The following LGALS13 variants were observed in gnomAD, a reference collection of about 807,000 sequenced individuals.
LGALS13 encodes the protein galectin 13.
LGALS13 carries 11 observed loss-of-function variants against 13.2 expected under a neutral mutation model. That is an observed-to-expected ratio of 0.83 (90% CI 0.52 to 1.38). The LOEUF (loss-of-function observed/expected upper bound fraction) is 1.38, where lower values mean the gene tolerates loss of function less well. Ranked by LOEUF, LGALS13 falls within the 40% of genes most tolerant of loss-of-function variation. The pLI, the probability that LGALS13 is intolerant of heterozygous loss-of-function variation, is 0.00. For missense variants in LGALS13, 183 were observed against 174.3 expected, an observed-to-expected ratio of 1.05 and a Z score of -0.28; for synonymous variants, 71 against 63.7, an observed-to-expected ratio of 1.11 and a Z score of -0.54.
Position 39,607,437 on chromosome 19 carries a change from T to G in LGALS13, c.*98T>G. 1 of 827,872 alleles carries G rather than the reference T, an allele frequency of 1.2e-6. No individual in the cohort carries two copies. Among genetic ancestry groups the G allele is most frequent in the Non-Finnish European group, 2.1e-6 (1 of 475,496 alleles). The allele number at this position is 827,872 out of a possible 1,614,324, so 51.3% of individuals were successfully genotyped here. A position where few individuals can be genotyped will look rare whatever the true frequency, so the allele number is the denominator to read the frequency against. ...AACAGAATAATCCCTGCTCACATTT[T>G]CCCCTACACTTTGTCATTAAAACAG... On this transcript the variant is annotated 3_prime_UTR_variant, in exon 4 of 4. Transcript: ENST00000221797.
chr19:39,604,681 G>A lies in LGALS13; in HGVS notation c.92+3G>A. 6.2e-7 allele frequency: 1 copy of A among 1,614,118 alleles called. No homozygotes were observed. The highest frequency in any genetic ancestry group is 8.5e-7 in the Non-Finnish European group (1 of 1,179,978). Reference sequence around the variant, plus strand: ...GGGACACCAATCCACTCTTTTATGTGAGTACTCCATGGTCCAATGGAGGGG... The same window carrying A: ...GGGACACCAATCCACTCTTTTATGTAAGTACTCCATGGTCCAATGGAGGGG... On this transcript the variant is annotated splice_donor_region_variant and intron_variant, in intron 2 of 3. Transcript: ENST00000221797.
chr19:39,603,874 A>G lies in LGALS13; in HGVS notation c.16-728A>G, dbSNP rs77472439. The G allele has an allele frequency of 2.6e-3, 2,354 of 908,858 alleles. 4 individuals are homozygous for G. The highest frequency in any genetic ancestry group is 3.0e-3 in the Non-Finnish European group (2,243 of 760,306). 56.3% of individuals were successfully genotyped at this position (908,858 alleles called of 1,614,324 possible). Reference sequence around the variant, plus strand: ...CTCAAAAGTACAGAAAAATCATCTCATCTACTTGTAGTCATCATAGAAATC... The same window carrying G: ...CTCAAAAGTACAGAAAAATCATCTCGTCTACTTGTAGTCATCATAGAAATC... On this transcript the variant is annotated intron_variant, in intron 1 of 3. Coordinates refer to ENST00000221797, the MANE Select transcript of LGALS13 (RefSeq NM_013268.3).
In LGALS13 at chr19:39,605,298, A is replaced by G; in HGVS notation, c.213A>G (p.Ile71Met). Residue 71 changes from isoleucine (I) to methionine (M), a missense_variant, in exon 3 of 4, where the codon ATA becomes ATG. Physicochemically the swap from Ile to Met is conservative, Grantham distance 10 (BLOSUM62 1). Coordinates refer to ENST00000221797, the MANE Select transcript of LGALS13 (RefSeq NM_013268.3). ...HVVMNRREFG[I>M]WMLEETTDYV... Reference sequence around the variant, plus strand: ...TCATGAACAGGCGTGAGTTTGGGATATGGATGTTGGAGGAGACAACAGACT... The same window carrying G: ...TCATGAACAGGCGTGAGTTTGGGATGTGGATGTTGGAGGAGACAACAGACT... 2.5e-6 allele frequency: 4 copies of G among 1,614,092 alleles called. No homozygotes were observed. Among genetic ancestry groups the G allele is most frequent in the South Asian group, 1.1e-5 (1 of 91,080 alleles).
In LGALS13 at chr19:39,605,390, T is replaced by C; in HGVS notation, c.303+2T>C. 6.2e-7 allele frequency: 1 copy of C among 1,613,714 alleles called. No homozygotes were observed. Among genetic ancestry groups the C allele is most frequent in the Non-Finnish European group, 8.5e-7 (1 of 1,179,726 alleles). ...TACGTACATTACAATGAGTATGAGG[T>C]GAGCATCCCAGGAGCTCCCAGCACC... On this transcript the variant is annotated splice_donor_variant, in intron 3 of 3. Transcript: ENST00000221797. LOFTEE classifies it high-confidence loss of function.
intron 3 of LGALS13, among the ~76,000 whole-genome samples, chr19:39,606,596 A>G (rs1972692635): frequency 6.6e-6 from 1 of 152,234 alleles, no homozygotes; most frequent in African/African-American, 2.4e-5. Context: ...TAAAGAATAC[A>G]TCCATACTTT....
intron 1 of LGALS13, 89 bp from the exon 2 acceptor site, chr19:39,604,513 C>T: frequency 1.4e-6 from 2 of 1,463,954 alleles, no homozygotes; most frequent in Middle Eastern, 1.8e-4. Flanking sequence ...GCCCTTTCAT[C>T]TCCAACCTCC....
At chr19:39,602,670 C>A in intron 1 of LGALS13, 87 bp downstream of exon 1, 4 of 1,340,208 alleles carry the variant, frequency 3.0e-6, no homozygotes, top group Non-Finnish European at 4.3e-6. Context: ...AAAATATGAG[C>A]ATTTTTGCTG....
rs751763395 is a variant in LGALS13 at position 39,604,657 on chromosome 19, G to T, written c.71G>T (p.Gly24Val). ...GTTGGTTCCTGCGTGATAATCAAAG[G>T]GACACCAATCCACTCTTTTATGTGA... ...LSVGSCVIIKGTPIHSFINDP... is the reference protein window; with the variant it reads ...LSVGSCVIIKVTPIHSFINDP... The change falls in exon 2 of 4, where the codon GGG becomes GTG. Residue 24 changes from glycine to valine, a missense_variant. By Grantham distance (109) the Gly-to-Val change is moderately radical. Coordinates refer to ENST00000221797, the MANE Select transcript of LGALS13 (RefSeq NM_013268.3). 6.2e-7 allele frequency: 1 copy of T among 1,614,150 alleles called. No homozygotes were observed. Among genetic ancestry groups the T allele is most frequent in the Admixed American group, 1.7e-5 (1 of 60,030 alleles).
At chr19:39,604,283 T>G (rs1955579580) in intron 1 of LGALS13, among the ~76,000 whole-genome samples, 1 of 152,156 alleles carries the variant, frequency 6.6e-6, no homozygotes, top group Non-Finnish European at 1.5e-5. Context: ...GAGAACATCC[T>G]ACAAAGTAGA....
intron 3 of LGALS13, among the ~76,000 whole-genome samples, chr19:39,606,614 T>C (rs1972693072): frequency 6.6e-6 from 1 of 152,248 alleles, no homozygotes; most frequent in South Asian, 2.1e-4. Flanking sequence ...TTTCTGGCTT[T>C]CTCTAACGAG....
At chr19:39,605,840 G>C (rs1972680739) in intron 3 of LGALS13, among the ~76,000 whole-genome samples, 1 of 145,870 alleles carries the variant, frequency 6.9e-6, no homozygotes, top group South Asian at 2.3e-4. Context: ...TTGTTTGTTT[G>C]TTTGTTTTTG....
At chr19:39,602,973 C>T (rs976242824) in intron 1 of LGALS13, among the ~76,000 whole-genome samples, 2 of 152,120 alleles carry the variant, frequency 1.3e-5, no homozygotes, top group African/African-American at 4.8e-5. Flanking sequence ...GCATGAGCAT[C>T]GTTATGTGCA....
intron 3 of LGALS13, among the ~76,000 whole-genome samples, chr19:39,606,449 C>T (rs1972689988): frequency 6.6e-6 from 1 of 152,184 alleles, no homozygotes; most frequent in South Asian, 2.1e-4. Context: ...TCTAATCAAT[C>T]CTTTTGTCAT....
At position 39,605,400 on chromosome 19, in the gene LGALS13, A is replaced by T. The variant is rs1368279499; in HGVS notation, c.303+12A>T. 6.2e-7 allele frequency: 1 copy of T among 1,610,130 alleles called. No individual in the cohort carries two copies. The highest frequency in any genetic ancestry group is 1.3e-5 in the African/African-American group (1 of 74,832). On this transcript the variant is annotated intron_variant, in intron 3 of 3. Transcript: ENST00000221797. ...ACAATGAGTATGAGGTGAGCATCCC[A>T]GGAGCTCCCAGCACCCAGGCTCTGT...
rs1303608067 is a variant in LGALS13 at position 39,607,242 on chromosome 19, G to C, written c.323G>C (p.Arg108Pro). The change falls in exon 4 of 4, where the codon CGC becomes CCC. Residue 108 changes from arginine (R) to proline (P), a missense_variant. By Grantham distance (103) the Arg-to-Pro change is moderately radical. Transcript: ENST00000221797. ...NEYEIKVNGI[R>P]IYGFVHRIPP... Reference sequence around the variant, plus strand: ...TTGTAGATAAAGGTCAATGGCATACGCATTTACGGCTTTGTCCATCGAATC... The same window carrying C: ...TTGTAGATAAAGGTCAATGGCATACCCATTTACGGCTTTGTCCATCGAATC... The C allele has an allele frequency of 6.2e-7, 1 of 1,613,798 alleles. No homozygotes were observed. Among genetic ancestry groups the C allele is most frequent in the East Asian group, 2.2e-5 (1 of 44,860 alleles).
chr19:39,605,360 G>A lies in LGALS13; in HGVS notation c.275G>A (p.Cys92Tyr), dbSNP rs772592629. ...GAGGATGGCAAACAATTTGAGCTGT[G>A]CATCTACGTACATTACAATGAGTAT... Reference protein sequence around the residue: ...PFEDGKQFELCIYVHYNEYEI... With the variant: ...PFEDGKQFELYIYVHYNEYEI... The change falls in exon 3 of 4, where the codon TGC (cysteine) becomes TAC (tyrosine). Residue 92 changes from cysteine to tyrosine, a missense_variant. Coordinates refer to ENST00000221797, the MANE Select transcript of LGALS13 (RefSeq NM_013268.3). 95 of 1,614,064 alleles carry A rather than the reference G, an allele frequency of 5.9e-5. No individual in the cohort carries two copies. In the Middle Eastern group the frequency reaches 1.3e-3, roughly 22 times the overall value.
In LGALS13 at chr19:39,605,262, C is replaced by G; in HGVS notation, c.177C>G (p.Gly59=). The part of the protein sequence containing the change: ...DIAFRFRVHF[G]NHVVMNRREF... ...CCTTCCGTTTCCGAGTGCACTTTGG[C>G]AATCATGTGGTCATGAACAGGCGTG... Residue 59 remains glycine, a synonymous_variant, in exon 3 of 4, where the codon GGC becomes GGG. Transcript: ENST00000221797. 1 of 1,614,150 alleles carries G rather than the reference C, an allele frequency of 6.2e-7. No individual in the cohort carries two copies. The highest frequency in any genetic ancestry group is 8.5e-7 in the Non-Finnish European group (1 of 1,179,994).
In LGALS13 at chr19:39,606,635, C is replaced by T. The variant is rs532495580; in HGVS notation, c.304-588C>T. Reference sequence around the variant, plus strand: ...GCTTTCTCTAACGAGTAGGCCAAAACATTCACATCTTATTCAGATTCAAGC... The same window carrying T: ...GCTTTCTCTAACGAGTAGGCCAAAATATTCACATCTTATTCAGATTCAAGC... On this transcript the variant is annotated intron_variant, in intron 3 of 3. Coordinates refer to ENST00000221797, the MANE Select transcript of LGALS13 (RefSeq NM_013268.3). Among the ~76,000 whole-genome samples the T allele has an allele frequency of 3.3e-5, 5 of 152,312 alleles. No individual in the cohort carries two copies. In the South Asian group the frequency reaches 8.3e-4, roughly 25 times the overall value.
Position 39,607,238 on chromosome 19 carries a change from A to G in LGALS13, c.319A>G (p.Ile107Val). The G allele has an allele frequency of 6.2e-7, 1 of 1,613,922 alleles. No homozygotes were observed. Among genetic ancestry groups the G allele is most frequent in the Non-Finnish European group, 8.5e-7 (1 of 1,179,822 alleles). ...YNEYEIKVNG[I>V]RIYGFVHRIP... ...CCTCTTGTAGATAAAGGTCAATGGCATACGCATTTACGGCTTTGTCCATCG... is the reference window on the plus strand; with the variant it reads ...CCTCTTGTAGATAAAGGTCAATGGCGTACGCATTTACGGCTTTGTCCATCG... Residue 107 changes from isoleucine (I) to valine (V), a missense_variant, in exon 4 of 4, where the codon ATA becomes GTA. Physicochemically the swap from Ile to Val is conservative, Grantham distance 29. Transcript: ENST00000221797.
Sources: gnomAD v4.1 joint callset for allele counts (sites outside exome capture counted in the v4.1 genomes callset) on GRCh38, gnomAD v4.1.1 for gene constraint, MANE v1.5 for transcripts, NCBI Gene and HGNC (gene_info 2026-07-23, HGNC 2026-07-21) for gene names.